COL6A5: variants seen among roughly 807,000 people sequenced by gnomAD.
COL6A5 encodes the protein collagen alpha-5(VI) chain.
COL6A5 carries 48 observed loss-of-function variants against 65.6 expected under a neutral mutation model. The observed-to-expected ratio is 0.73, with a 90% CI of 0.58 to 0.93. The LOEUF is 0.93. Among genes scored for constraint, COL6A5 ranks in the 40% least tolerant of loss-of-function variants. The pLI is 0.00. For synonymous variants in COL6A5, 291 were observed against 322.8 expected, an observed-to-expected ratio of 0.90 and a Z score of 1.05; for missense variants, 914 against 928.3, an observed-to-expected ratio of 0.98 and a Z score of 0.20.
chr3:130,430,279 C>T (rs1171189117), upstream of COL6A5, among the ~76,000 whole-genome samples: 2 of 152,182 alleles, frequency 1.3e-5, no homozygotes, highest in East Asian at 3.8e-4. Context: ...ATATATCTTT[C>T]ATTTTTCTTA....
At chr3:130,431,727 C>T (rs769707381) in exon 1 of COL6A5, 6 of 1,551,422 alleles carry the variant, frequency 3.9e-6, no homozygotes, top group East Asian at 2.4e-5. Context: ...ATCAAGACAC[C>T]ACAGAGCCCC....
At chr3:130,379,926 A>T (rs781713952) in exon 4 of COL6A5, 16 of 1,551,230 alleles carry the variant, frequency 1.0e-5, no homozygotes, top group Non-Finnish European at 1.1e-5. Context: ...CAGAACAGAC[A>T]ATTTCCACGC....
chr3:130,388,073 C>G lies in COL6A5; in HGVS notation c.1862-507C>G, dbSNP rs371213488. 3.3e-5 allele frequency among the ~76,000 whole-genome samples: 5 copies of G among 151,858 alleles called. No individual in the cohort carries two copies. The East Asian group carries it at 5.8e-4, about 18-fold the overall frequency. ...CTTATCTCTAGTAAAAACTTTTTCT[C>G]CAATTTCTAATATTGATTTATAGTG... is the stretch of plus-strand genomic sequence containing the variant. On this transcript the variant is annotated intron_variant and NMD_transcript_variant, in intron 5 of 41. Transcript: ENST00000312481.
At chr3:130,463,087 G>A (rs989804864) in intron 5 of COL6A5, among the ~76,000 whole-genome samples, 1 of 152,096 alleles carries the variant, frequency 6.6e-6, no homozygotes, top group Non-Finnish European at 1.5e-5. Context: ...GAAGACAAGC[G>A]TAGAGCTGAG....
rs114010973 is a variant in COL6A5, at chr3:130,380,138, G to A, written c.1300+88G>A. 742 of 984,048 alleles carry A rather than the reference G, an allele frequency of 7.5e-4. 4 individuals are homozygous for A. The African/African-American group carries it at 0.011, about 15-fold the overall frequency. 61.0% of individuals were successfully genotyped at this position (984,048 alleles called of 1,614,324 possible). ...GTGGGAGTGAGGATCAACTGTAATT[G>A]GATAAAGGAACTTTCAGGAGTTGTG... On this transcript the variant is annotated intron_variant and NMD_transcript_variant, in intron 4 of 41. Transcript: ENST00000312481.
intron 6 of COL6A5, among the ~76,000 whole-genome samples, chr3:130,389,612 C>T (rs1033223840): frequency 6.6e-6 from 1 of 151,666 alleles, no homozygotes; most frequent in Admixed American, 6.6e-5. Context: ...ATTTTCATTA[C>T]TTCACATTAT....
intron 15 of COL6A5, 38 bp downstream of exon 15, chr3:130,406,057 A>C (rs1488770356): frequency 3.2e-6 from 5 of 1,550,324 alleles, no homozygotes; most frequent in Non-Finnish European, 4.4e-6. Flanking sequence ...TGATTTCCAA[A>C]TGGGATTAGT....
chr3:130,391,167 A>G lies in COL6A5; in HGVS notation c.2417-12A>G. 2 of 1,539,176 alleles carry G rather than the reference A, an allele frequency of 1.3e-6. No homozygotes were observed. The highest frequency in any genetic ancestry group is 1.8e-6 in the Non-Finnish European group (2 of 1,138,488). The stretch of plus-strand genomic sequence containing the variant: ...CAGAAAGTTTGTGACTCCTGTTTTC[A>G]TCTTCTTTCAGATTGTAAAAGGATT... On this transcript the variant is annotated splice_polypyrimidine_tract_variant and intron_variant and NMD_transcript_variant, in intron 6 of 41. Coordinates refer to the COL6A5 transcript ENST00000312481.
chr3:130,483,560 A>G (rs139136489), intron 7 of COL6A5, among the ~76,000 whole-genome samples: 3 of 152,302 alleles, frequency 2.0e-5, no homozygotes, highest in African/African-American at 7.2e-5. Flanking sequence ...CAAGTAGCTA[A>G]CAGCAGTCCT....
intron 5 of COL6A5, among the ~76,000 whole-genome samples, chr3:130,457,897 T>G (rs1426533749): frequency 6.6e-6 from 1 of 152,110 alleles, no homozygotes; most frequent in African/African-American, 2.4e-5. Flanking sequence ...AATAAAAGGT[T>G]GATAAGTTTC....
chr3:130,459,392 A>G (rs1709651614), intron 5 of COL6A5, among the ~76,000 whole-genome samples: 6 of 152,122 alleles, frequency 3.9e-5, no homozygotes, highest in Admixed American at 3.9e-4. Context: ...ATAGAACTGG[A>G]AGGGTATTAG....
At chr3:130,480,943 T>C (rs868118542) in intron 7 of COL6A5, among the ~76,000 whole-genome samples, 2 of 152,202 alleles carry the variant, frequency 1.3e-5, no homozygotes, top group African/African-American at 2.4e-5. Context: ...CGAAGTCCCA[T>C]AGAGGGCAGC....
chr3:130,424,082 C>T (rs78292211), intron 29 of COL6A5, among the ~76,000 whole-genome samples, 182 bp downstream of exon 29: 6,619 of 152,068 alleles, frequency 0.044, 158 homozygotes, highest in South Asian at 0.089. Flanking sequence ...CATATTCTGT[C>T]CTAACTACCT....
intron 21 of COL6A5, 34 bp downstream of exon 21, chr3:130,413,614 G>C (rs1937246814): frequency 6.5e-7 from 1 of 1,542,278 alleles, no homozygotes; most frequent in South Asian, 1.2e-5. Context: ...CTCTGTGGTT[G>C]ATGGGACCAA....
At chr3:130,461,093 G>C (rs910633123) in intron 5 of COL6A5, among the ~76,000 whole-genome samples, 2 of 151,970 alleles carry the variant, frequency 1.3e-5, no homozygotes, top group Non-Finnish European at 2.9e-5. Flanking sequence ...GTCCTGTTCT[G>C]AATTAAGCCC....
At chr3:130,428,565 T>C (rs6770893), upstream of COL6A5, among the ~76,000 whole-genome samples, 37,186 of 152,132 alleles carry the variant, frequency 0.24, 6,330 homozygotes, top group African/African-American at 0.46. Flanking sequence ...TTTAAGTAAT[T>C]TCCCCCTAAG....
At chr3:130,449,306 C>CCG in intron 4 of COL6A5, among the ~76,000 whole-genome samples, 1 of 152,208 alleles carries the variant, frequency 6.6e-6, no homozygotes, top group Middle Eastern at 3.4e-3. Flanking sequence ...TGGACTGAGA[C>CCG]CGAGTCCAGG....
chr3:130,414,629 C>T (rs1049279927), intron 22 of COL6A5, among the ~76,000 whole-genome samples: 11 of 152,128 alleles, frequency 7.2e-5, no homozygotes, highest in South Asian at 4.2e-4. Flanking sequence ...ATGTGAGCAC[C>T]GGAAGTCAGA....
intron 1 of COL6A5, among the ~76,000 whole-genome samples, chr3:130,346,261 C>T (rs893354511): frequency 6.6e-6 from 1 of 152,140 alleles, no homozygotes; most frequent in Admixed American, 6.5e-5. Context: ...TCCTGGACCC[C>T]ACAAAACCCT....
Sources: gnomAD v4.1 joint callset for allele counts (sites outside exome capture counted in the v4.1 genomes callset) on GRCh38, gnomAD v4.1.1 for gene constraint, MANE v1.5 for transcripts, NCBI Gene and HGNC (gene_info 2026-07-23, HGNC 2026-07-21) for gene names.